Variants in PCDHGB5 observed in about 807,000 individuals in gnomAD.
PCDHGB5 encodes protocadherin gamma subfamily B, 5.
In PCDHGB5, 48 loss-of-function variants were observed where a neutral mutation model predicts 62.9. The observed-to-expected ratio is 0.76, with a 90% CI of 0.61 to 0.97. The LOEUF (loss-of-function observed/expected upper bound fraction) is 0.97, where lower values mean the gene tolerates loss of function less well. PCDHGB5 is among the 50% of genes least tolerant of loss of function. The pLI, the probability that PCDHGB5 is intolerant of heterozygous loss-of-function variation, is 0.00. For missense variants in PCDHGB5, 1,118 were observed against 1,198.6 expected (o/e 0.93, Z 0.99); for synonymous variants, 474 against 511.2 (o/e 0.93, Z 0.98).
At position 141,399,617 on chromosome 5, in the gene PCDHGB5, TGGCCTCTTACGTGTCCATGAGC is replaced by T; in HGVS notation, c.1492_1513del (p.Ala498ArgfsTer38). On this transcript the variant is annotated frameshift_variant, in exon 1 of 4. Transcript: ENST00000617380. LOFTEE classifies it high-confidence loss of function. ...GCCAGCGACCTAGAGCCTCTGGCAC[TGGCCTCTTACGTGTCCATGAGC>T]GCGCAAAGTGGGGTGGTGTTCGCGC... The T allele has an allele frequency of 2.5e-6, 4 of 1,613,944 alleles. No individual in the cohort carries two copies.
chr5:141,432,630 G>A lies in PCDHGB5; in HGVS notation c.2397+32106G>A, dbSNP rs1278355878. On this transcript the variant is annotated intron_variant, in intron 1 of 3. Coordinates refer to ENST00000617380, the MANE Select transcript of PCDHGB5 (RefSeq NM_018925.3). This position sits in a 1 kb window ranked among gnomAD's most constrained non-coding sequence, Gnocchi z 6.0. ...CTCTTCTCGGTGGGTCTGCACACGG[G>A]CGAGGTGCGCACGGCGCGAGCCCTG... 3.7e-6 allele frequency: 6 copies of A among 1,612,782 alleles called. No homozygotes were observed. Among genetic ancestry groups the A allele is most frequent in the Non-Finnish European group, 5.1e-6 (6 of 1,179,682 alleles).
chr5:141,460,981 G>GTA (rs1491204135), intron 1 of PCDHGB5, among the ~76,000 whole-genome samples: 1,658 of 121,856 alleles, frequency 0.014, 27 homozygotes, highest in African/African-American at 0.051. Flanking sequence ...GTGTGTGTGT[G>GTA]TGTATATATA....
intron 3 of PCDHGB5, among the ~76,000 whole-genome samples, chr5:141,506,045 C>G (rs1379226123): frequency 6.6e-6 from 1 of 152,078 alleles, no homozygotes; most frequent in Non-Finnish European, 1.5e-5. Flanking sequence ...TCTGGTTTTC[C>G]CATAAGGTTG....
At chr5:141,492,468 G>A (rs927514972) in intron 1 of PCDHGB5, among the ~76,000 whole-genome samples, 1 of 152,232 alleles carries the variant, frequency 6.6e-6, no homozygotes, top group Admixed American at 6.5e-5. Flanking sequence ...GAGGGTCCCA[G>A]ATCGCGGCCG....
At chr5:141,414,583 G>A (rs570765907) in intron 1 of PCDHGB5, 1 of 1,613,736 alleles carries the variant, frequency 6.2e-7, no homozygotes, top group Non-Finnish European at 8.5e-7. Context: ...AGAGAACAAC[G>A]CCAGGGGTGC....
intron 2 of PCDHGB5, among the ~76,000 whole-genome samples, chr5:141,496,827 C>A (rs1595415247): frequency 6.6e-6 from 1 of 151,780 alleles, no homozygotes; most frequent in East Asian, 1.9e-4. Context: ...TAGATGTGAT[C>A]CCAGAACTCA....
rs762238827 is a variant in PCDHGB5 at position 141,487,202 on chromosome 5, C to T, written c.2398-7605C>T. ...CACTCATCCAGTTGTCCCAGATCTT[C>T]GAGAATCTTCAGCTCCAAGGGAAGG... On this transcript the variant is annotated intron_variant, in intron 1 of 3. Coordinates refer to ENST00000617380, the MANE Select transcript of PCDHGB5 (RefSeq NM_018925.3). This position sits in a 1 kb window ranked among gnomAD's most constrained non-coding sequence, Gnocchi z 5.0. 7 of 1,613,660 alleles carry T rather than the reference C, an allele frequency of 4.3e-6. No homozygotes were observed. The highest frequency in any genetic ancestry group is 1.7e-5 in the Admixed American group (1 of 59,992).
chr5:141,478,124 T>C (rs776469996), intron 1 of PCDHGB5: 1 of 1,613,978 alleles, frequency 6.2e-7, no homozygotes, highest in South Asian at 1.1e-5. Flanking sequence ...AACCGAGGAC[T>C]CTCCTGAAGC....
At chr5:141,404,326 A>G in intron 1 of PCDHGB5, 2 of 1,613,904 alleles carry the variant, frequency 1.2e-6, no homozygotes, top group Non-Finnish European at 1.7e-6. Context: ...CCTCCTACTC[A>G]GTCTACCTCC....
chr5:141,491,648 T>G lies in PCDHGB5; in HGVS notation c.2398-3159T>G, dbSNP rs756792762. 1 of 1,613,834 alleles carries G rather than the reference T, an allele frequency of 6.2e-7. No individual in the cohort carries two copies. Among genetic ancestry groups the G allele is most frequent in the Non-Finnish European group, 8.5e-7 (1 of 1,180,002 alleles). On this transcript the variant is annotated intron_variant, in intron 1 of 3. Coordinates refer to ENST00000617380, the MANE Select transcript of PCDHGB5 (RefSeq NM_018925.3). This position sits in a 1 kb window ranked among gnomAD's most constrained non-coding sequence, Gnocchi z 6.9. Reference sequence around the variant, plus strand: ...GTTCAGCAGCCCACAGCTCTGGCGCTGGAGCCTGACGCCATCCGGTCCCGC... The same window carrying G: ...GTTCAGCAGCCCACAGCTCTGGCGCGGGAGCCTGACGCCATCCGGTCCCGC...
At chr5:141,507,680 A>C (rs73794928) in intron 3 of PCDHGB5, among the ~76,000 whole-genome samples, 2,806 of 152,362 alleles carry the variant, frequency 0.018, 91 homozygotes, top group African/African-American at 0.063. Flanking sequence ...GATGTTAAAA[A>C]CAGAAATGAA....
intron 2 of PCDHGB5, among the ~76,000 whole-genome samples, chr5:141,499,016 GGAAGGAA>G (rs2099788564): frequency 7.0e-6 from 1 of 143,496 alleles, no homozygotes; most frequent in Non-Finnish European, 1.5e-5. Flanking sequence ...AAGGAAGGAA[GGAAGGAA>G]GGAAGAAAAG....
intron 2 of PCDHGB5, among the ~76,000 whole-genome samples, chr5:141,498,394 A>G (rs1043900807): frequency 6.6e-6 from 1 of 152,096 alleles, no homozygotes; most frequent in Non-Finnish European, 1.5e-5. Flanking sequence ...AGGGAATGGC[A>G]GGGAGTTTTC....
intron 1 of PCDHGB5, chr5:141,412,659 C>T (rs1013218327): frequency 7.9e-5 from 12 of 152,212 alleles, no homozygotes; most frequent in African/African-American, 2.4e-4. Flanking sequence ...TACCTAGACA[C>T]TAATATGACC....
Position 141,475,143 on chromosome 5 carries a change from T to TC in PCDHGB5, c.2398-19662dup, listed in dbSNP as rs372338581. On this transcript the variant is annotated intron_variant, in intron 1 of 3. Transcript: ENST00000617380. ...GGCTTTTTTTCTTTTTGAAATCTTC[T>TC]CCGTCTTCTTCTTCATTAGCAGTGC... Among the ~76,000 whole-genome samples the TC allele has an allele frequency of 4.9e-3, 751 of 152,356 alleles. 5 individuals carry two copies. Among genetic ancestry groups the TC allele is most frequent in the Non-Finnish European group, 6.5e-3 (439 of 68,034 alleles).
intron 1 of PCDHGB5, among the ~76,000 whole-genome samples, chr5:141,444,402 C>T (rs916833331): frequency 6.6e-6 from 1 of 151,932 alleles, no homozygotes; most frequent in African/African-American, 2.4e-5. Flanking sequence ...AACTCCCAAC[C>T]TCAGGTGATC....
Position 141,485,585 on chromosome 5 carries a change from C to G in PCDHGB5, c.2398-9222C>G, listed in dbSNP as rs373987810. The G allele has an allele frequency of 7.4e-6, 12 of 1,612,204 alleles. No individual in the cohort carries two copies. The highest frequency in any genetic ancestry group is 1.0e-5 in the Non-Finnish European group (12 of 1,178,590). On this transcript the variant is annotated intron_variant, in intron 1 of 3. Transcript: ENST00000617380. The surrounding 1 kb of genome is among the most constrained non-coding windows in gnomAD (Gnocchi z 5.7). ...CGCCCCCCGTTTTCCGCGGCAGCAG[C>G]TGGACTTGGAAATTGGGGAGGCAGC...
chr5:141,447,161 C>T (rs1432238455), intron 1 of PCDHGB5, among the ~76,000 whole-genome samples: 1 of 151,728 alleles, frequency 6.6e-6, no homozygotes, highest in East Asian at 1.9e-4. Flanking sequence ...TTTGTTTAAG[C>T]GGGGTCTTGC....
At chr5:141,404,560 C>G in intron 1 of PCDHGB5, 1 of 1,613,578 alleles carries the variant, frequency 6.2e-7, no homozygotes, top group South Asian at 1.1e-5. Context: ...CGGCAAGTGA[C>G]AGTGGAAGCC....
Sources: gnomAD v4.1 joint callset for allele counts (sites outside exome capture counted in the v4.1 genomes callset) on GRCh38, gnomAD v4.1.1 for gene constraint, Gnocchi (gnomAD v3.1) non-coding constraint, MANE v1.5 for transcripts, NCBI Gene and HGNC (gene_info 2026-07-23, HGNC 2026-07-21) for gene names.